The following CDH4 variants were observed in gnomAD, a reference collection of about 807,000 sequenced individuals.
CDH4 encodes the protein cadherin-4.
In CDH4, 33 loss-of-function variants were observed where a neutral mutation model predicts 86.0. The observed-to-expected ratio is 0.38, with a 90% CI of 0.29 to 0.51. The LOEUF is 0.51. Among genes scored for constraint, CDH4 ranks in the 20% least tolerant of loss-of-function variants. The pLI is 0.86. For missense variants in CDH4, 1,114 were observed against 1,307.4 expected, an observed-to-expected ratio of 0.85 and a Z score of 2.28; for synonymous variants, 555 against 549.4, an observed-to-expected ratio of 1.01 and a Z score of -0.14.
In CDH4 at chr20:61,499,558, C is replaced by T. The variant is rs561447491; in HGVS notation, c.170-244005C>T. ...GGCCACTTCTTTATCTAACTGGGCC[C>T]TGATGCTTCAGACAGTGTCCCTGAG... On this transcript the variant is annotated intron_variant, in intron 2 of 15. Transcript: ENST00000614565. 248 of 1,266,600 alleles carry T rather than the reference C, an allele frequency of 2.0e-4. 1 individual carries two copies. The Middle Eastern group carries it at 3.0e-3, about 15-fold the overall frequency. 78.5% of individuals were successfully genotyped at this position (1,266,600 alleles called of 1,614,324 possible).
chr20:61,645,229 A>G (rs1204980918), intron 2 of CDH4, among the ~76,000 whole-genome samples: 5 of 152,206 alleles, frequency 3.3e-5, no homozygotes, highest in African/African-American at 1.2e-4. Flanking sequence ...GGAACAGTGG[A>G]TAAGAGACAG....
rs529517424 is a variant in CDH4 at position 61,646,904 on chromosome 20, C to T, written c.170-96659C>T. Among the ~76,000 whole-genome samples, 7 of 152,356 alleles carry T rather than the reference C, an allele frequency of 4.6e-5. No homozygotes were observed. The South Asian group carries it at 8.3e-4, about 18-fold the overall frequency. On this transcript the variant is annotated intron_variant, in intron 2 of 15. Transcript: ENST00000614565. ...AGTGTACTGGAATACTGAACTTCCA[C>T]GTTGGCTCAAAACTGCAAGTGTGGT...
At chr20:61,839,899 TAC>T (rs1286507445) in intron 4 of CDH4, among the ~76,000 whole-genome samples, 7 of 151,192 alleles carry the variant, frequency 4.6e-5, no homozygotes, top group African/African-American at 1.7e-4. Context: ...TGTATGTGTG[TAC>T]TGTGTGTGTG....
At chr20:61,746,563 C>A (rs1568792709) in intron 3 of CDH4, among the ~76,000 whole-genome samples, 1 of 152,200 alleles carries the variant, frequency 6.6e-6, no homozygotes, top group Non-Finnish European at 1.5e-5. Context: ...GCAGGTATGG[C>A]AGAGCCCGGC....
rs746883553 is a variant in CDH4 at position 61,777,193 on chromosome 20, T to A, written c.576+4011T>A. ...TTCCTGAAGACAAGGATCTTGGCTG[T>A]ACCCCTAGTGTTGTAAACAGCCCTT... On this transcript the variant is annotated intron_variant, in intron 4 of 15. Coordinates refer to ENST00000614565, the MANE Select transcript of CDH4 (RefSeq NM_001794.5). Among the ~76,000 whole-genome samples the A allele has an allele frequency of 2.6e-5, 4 of 152,366 alleles. No individual in the cohort carries two copies. In the East Asian group the frequency reaches 5.8e-4, roughly 22 times the overall value.
intron 2 of CDH4, among the ~76,000 whole-genome samples, chr20:61,280,007 G>C (rs546237004): frequency 6.6e-6 from 1 of 152,156 alleles, no homozygotes; most frequent in African/African-American, 2.4e-5. Flanking sequence ...TGACTCCATC[G>C]GTGGGGTTGC....
intron 2 of CDH4, among the ~76,000 whole-genome samples, chr20:61,443,331 A>G (rs952514453): frequency 9.9e-5 from 15 of 152,226 alleles, no homozygotes; most frequent in Non-Finnish European, 2.9e-5. Context: ...TTTAGGGATC[A>G]TCACACATCA....
intron 2 of CDH4, among the ~76,000 whole-genome samples, chr20:61,532,459 A>G (rs974746997): frequency 2.6e-5 from 4 of 151,972 alleles, no homozygotes; most frequent in Admixed American, 6.6e-5. Context: ...ATCTGACCCC[A>G]CTCCTTATGT....
At chr20:61,336,423 A>G (rs548786204) in intron 2 of CDH4, among the ~76,000 whole-genome samples, 78 of 151,992 alleles carry the variant, frequency 5.1e-4, no homozygotes, top group African/African-American at 1.7e-3. Flanking sequence ...CACCACAACC[A>G]CCACCACCAC....
intron 2 of CDH4, among the ~76,000 whole-genome samples, chr20:61,509,134 G>A (rs1439395011): frequency 1.3e-5 from 2 of 152,148 alleles, no homozygotes; most frequent in Non-Finnish European, 2.9e-5. Context: ...CAAAGGCCGT[G>A]GCATCCTGCA....
At chr20:61,765,045 T>C (rs2088682336) in intron 3 of CDH4, among the ~76,000 whole-genome samples, 1 of 152,070 alleles carries the variant, frequency 6.6e-6, no homozygotes, top group South Asian at 2.1e-4. Context: ...AGCAGGCAGG[T>C]TTAGAGTCAC....
intron 2 of CDH4, chr20:61,600,109 T>A: frequency 3.8e-6 from 1 of 261,726 alleles, no homozygotes; most frequent in Non-Finnish European, 5.9e-6. Flanking sequence ...GCTCCTCGGA[T>A]GCTGCTGAGA....
intron 2 of CDH4, among the ~76,000 whole-genome samples, chr20:61,600,158 G>A (rs898078698): frequency 5.3e-5 from 8 of 152,364 alleles, no homozygotes; most frequent in African/African-American, 1.2e-4. Flanking sequence ...CACAGGTCCC[G>A]CGCGAGGGCG....
chr20:61,274,396 G>A (rs1182703695), intron 2 of CDH4, among the ~76,000 whole-genome samples: 1 of 87,266 alleles, frequency 1.1e-5, no homozygotes. Context: ...TTTGGGGGGA[G>A]TACTGTGTGC....
At chr20:61,590,599 AG>A (rs966015964) in intron 2 of CDH4, among the ~76,000 whole-genome samples, 36 of 152,100 alleles carry the variant, frequency 2.4e-4, no homozygotes, top group African/African-American at 8.5e-4. Flanking sequence ...TAGGGAGGAG[AG>A]GGGGCTGGAC....
rs565786602 is a variant in CDH4 at position 61,765,055 on chromosome 20, C to T, written c.397-7948C>T. 4.6e-5 allele frequency among the ~76,000 whole-genome samples: 7 copies of T among 152,294 alleles called. No individual in the cohort carries two copies. The East Asian group carries it at 5.8e-4, about 13-fold the overall frequency. On this transcript the variant is annotated intron_variant, in intron 3 of 15. Transcript: ENST00000614565. ...TAAGAAGCAGGCAGGTTTAGAGTCA[C>T]CTGCACCTTGTAGACACATCCCTGG...
chr20:61,520,085 A>G (rs1285626284), intron 2 of CDH4, among the ~76,000 whole-genome samples: 1 of 152,174 alleles, frequency 6.6e-6, no homozygotes, highest in Non-Finnish European at 1.5e-5. Flanking sequence ...TCTACCAAGC[A>G]TCTTCTTTGG....
chr20:61,281,461 C>T (rs1172468091), intron 2 of CDH4, among the ~76,000 whole-genome samples: 1 of 152,234 alleles, frequency 6.6e-6, no homozygotes, highest in Non-Finnish European at 1.5e-5. Flanking sequence ...GCGCCTTGAC[C>T]TTGGACTGCT....
chr20:61,598,571 G>T (rs1043563150), intron 2 of CDH4, among the ~76,000 whole-genome samples: 1 of 152,192 alleles, frequency 6.6e-6, no homozygotes, highest in East Asian at 1.9e-4. Context: ...CGGCAGTAAG[G>T]TGTGGAGATA....
Sources: gnomAD v4.1 joint callset for allele counts (sites outside exome capture counted in the v4.1 genomes callset) on GRCh38, gnomAD v4.1.1 for gene constraint, MANE v1.5 for transcripts, NCBI Gene and HGNC (gene_info 2026-07-23, HGNC 2026-07-21) for gene names.